DNAH5: variants seen among roughly 807,000 people sequenced by gnomAD.
DNAH5 encodes the protein axonemal beta dynein heavy chain 5.
In DNAH5, 372 loss-of-function variants were observed where a neutral mutation model predicts 518.2. The ratio of observed to expected loss-of-function variants is 0.72; its 90% CI spans 0.66 to 0.78. DNAH5 has a LOEUF of 0.78. Ranked by LOEUF, DNAH5 falls within the 30% of genes least tolerant of loss-of-function variation. The probability of loss-of-function intolerance (pLI) is 0.00; values close to 1 mark genes in which losing one functional copy is unlikely to be tolerated. For synonymous variants in DNAH5, 2,039 were observed against 2,025.9 expected, an observed-to-expected ratio of 1.01 and a Z score of -0.17; for missense variants, 5,523 against 5,687.0, an observed-to-expected ratio of 0.97 and a Z score of 0.93.
At chr5:13,702,974 C>T (rs1742319013) in intron 76 of DNAH5, among the ~76,000 whole-genome samples, 1 of 151,502 alleles carries the variant, frequency 6.6e-6, no homozygotes, top group African/African-American at 2.4e-5. Context: ...GTGCAGCCCC[C>T]AACCTGACGC....
At position 13,810,076 on chromosome 5, in the gene DNAH5, T is replaced by C; in HGVS notation, c.7592A>G (p.Tyr2531Cys). 6.4e-7 allele frequency: 1 copy of C among 1,552,674 alleles called. No individual in the cohort carries two copies. Among genetic ancestry groups the C allele is most frequent in the South Asian group, 1.2e-5 (1 of 84,194 alleles). Residue 2531 changes from tyrosine to cysteine, a missense_variant, in exon 45 of 79, where the codon TAC becomes TGC. Physicochemically the swap from Tyr to Cys is radical, Grantham distance 194 (BLOSUM62 -2). Transcript: ENST00000265104. ...PAGPGDTAFD[Y>C]YVAPDGTWTH... ...GTCCTCACCATCGGGCGCCACATAG[T>C]AGTCGAAGGCGGTGTCCCCGGGCCC...
intron 1 of DNAH5, among the ~76,000 whole-genome samples, chr5:14,010,491 G>C (rs1165250049): frequency 6.6e-6 from 1 of 152,066 alleles, no homozygotes; most frequent in Non-Finnish European, 1.5e-5. Context: ...TTAAGACATA[G>C]AAAAAAGTCA....
intron 53 of DNAH5, 136 bp from the exon 54 acceptor site, chr5:13,777,491 T>A (rs567432028): frequency 3.2e-6 from 2 of 633,512 alleles, no homozygotes; most frequent in East Asian, 2.8e-5. Flanking sequence ...GTATTCTATA[T>A]GAATGTTACT....
chr5:13,807,791 C>G, intron 46 of DNAH5, 66 bp from the exon 47 acceptor site: 1 of 1,391,156 alleles, frequency 7.2e-7, no homozygotes, highest in Non-Finnish European at 1.0e-6. Context: ...GAATTTGTCC[C>G]CCCAAAATTC....
intron 9 of DNAH5, among the ~76,000 whole-genome samples, chr5:13,915,152 G>A (rs1431914247): frequency 6.6e-6 from 1 of 152,084 alleles, no homozygotes; most frequent in African/African-American, 2.4e-5. Context: ...AAAATCCTCA[G>A]AAATGTATTA....
chr5:14,004,380 T>G (rs1784580125), intron 1 of DNAH5, among the ~76,000 whole-genome samples: 1 of 152,154 alleles, frequency 6.6e-6, no homozygotes, highest in South Asian at 2.1e-4. Flanking sequence ...GGAAAGAAGG[T>G]AAAAGGCCTG....
chr5:13,765,296 A>G (rs1403957733), intron 59 of DNAH5, among the ~76,000 whole-genome samples: 2 of 152,222 alleles, frequency 1.3e-5, no homozygotes, highest in Non-Finnish European at 2.9e-5. Context: ...CTGGCAAACT[A>G]TATAACAATG....
intron 32 of DNAH5, among the ~76,000 whole-genome samples, chr5:13,844,293 A>T (rs999535031): frequency 2.0e-5 from 3 of 152,204 alleles, no homozygotes; most frequent in Non-Finnish European, 2.9e-5. Context: ...TAACAAGAAG[A>T]GTCACTTTCC....
intron 75 of DNAH5, among the ~76,000 whole-genome samples, chr5:13,712,326 G>A (rs1369250371): frequency 6.6e-6 from 1 of 152,068 alleles, no homozygotes; most frequent in Non-Finnish European, 1.5e-5. Flanking sequence ...AACTCAAGAT[G>A]GATTAAGGAC....
intron 16 of DNAH5, among the ~76,000 whole-genome samples, chr5:13,891,629 T>C (rs1238109308): frequency 1.3e-5 from 2 of 152,232 alleles, no homozygotes; most frequent in Non-Finnish European, 2.9e-5. Context: ...CTTCCGTCTC[T>C]GCGGATTGTC....
intron 62 of DNAH5, 100 bp from the exon 63 acceptor site, chr5:13,753,649 TA>T: frequency 1.8e-6 from 2 of 1,104,524 alleles, no homozygotes; most frequent in South Asian, 3.1e-5. Flanking sequence ...ATAATTCTTT[TA>T]AACTAAATTC....
In DNAH5 at chr5:13,900,243, T is replaced by C. The variant is rs2151961115; in HGVS notation, c.2222A>G (p.Lys741Arg). The C allele has an allele frequency of 1.2e-6, 2 of 1,614,150 alleles. No individual in the cohort carries two copies. Among genetic ancestry groups the C allele is most frequent in the East Asian group, 4.5e-5 (2 of 44,890 alleles). Residue 741 changes from lysine to arginine, a missense_variant, in exon 15 of 79, where the codon AAA becomes AGA. This residue lies in a region of DNAH5 where 5,121 missense variants were observed against 5,223.3 expected (regional missense o/e 0.98). Transcript: ENST00000265104. ...VSPLATSLFQ[K>R]RDRYKRNFSN... is the part of the protein sequence containing the mutation. Reference sequence around the variant, plus strand: ...GAAGTTCCTTTTGTATCTATCTCGTTTCTGGAAGAGGGAAGTTGCCAGTGG... The same window carrying C: ...GAAGTTCCTTTTGTATCTATCTCGTCTCTGGAAGAGGGAAGTTGCCAGTGG...
chr5:13,906,288 T>C (rs75415132), intron 12 of DNAH5, among the ~76,000 whole-genome samples: 3,168 of 152,142 alleles, frequency 0.021, 114 homozygotes, highest in African/African-American at 0.072. Context: ...TTTAGGCTCA[T>C]CGATTGTAAC....
intron 63 of DNAH5, among the ~76,000 whole-genome samples, chr5:13,752,613 G>A (rs979230860): frequency 5.9e-5 from 9 of 152,212 alleles, no homozygotes; most frequent in Admixed American, 3.3e-4. Flanking sequence ...TTCGTGTTCT[G>A]ACTTGGGTCC....
rs145398015 is a variant in DNAH5, at chr5:13,713,708, G to A, written c.13125+697C>T. 2.7e-4 allele frequency among the ~76,000 whole-genome samples: 41 copies of A among 150,616 alleles called. No homozygotes were observed. The East Asian group carries it at 7.1e-3, about 26-fold the overall frequency. ...TTGGGGGGAAGAGTGTGAGGGGGGC[G>A]AGGAATAAAAGATTACAAATATGGT... On this transcript the variant is annotated intron_variant, in intron 75 of 78. Transcript: ENST00000265104.
In DNAH5 at chr5:13,764,971, CA is replaced by C. The variant is rs780012810; in HGVS notation, c.10101+1004del. 7.2e-4 allele frequency among the ~76,000 whole-genome samples: 109 copies of C among 152,138 alleles called. 1 individual carries two copies. Among genetic ancestry groups the C allele is most frequent in the Non-Finnish European group, 1.9e-4 (13 of 68,022 alleles). The stretch of plus-strand genomic sequence containing the variant: ...GCTTACAATTAAATAAATGATATCT[CA>C]AACAAAGATTATAGTCAAAGCTCAT... On this transcript the variant is annotated intron_variant, in intron 59 of 78. Transcript: ENST00000265104.
intron 22 of DNAH5, among the ~76,000 whole-genome samples, chr5:13,874,535 C>T (rs535149822): frequency 6.2e-4 from 93 of 150,340 alleles, no homozygotes; most frequent in African/African-American, 2.2e-3. Context: ...TTTTTTTTTT[C>T]GAGACAAAGT....
At chr5:13,972,938 A>C (rs1781982086) in intron 1 of DNAH5, among the ~76,000 whole-genome samples, 1 of 152,160 alleles carries the variant, frequency 6.6e-6, no homozygotes, top group Non-Finnish European at 1.5e-5. Flanking sequence ...GCAAGACCCC[A>C]TCTCTAAAAA....
chr5:13,838,183 G>A (rs556713012), intron 35 of DNAH5, among the ~76,000 whole-genome samples: 4 of 152,294 alleles, frequency 2.6e-5, no homozygotes, highest in African/African-American at 9.6e-5. Context: ...ATATTACAAA[G>A]TTCAAATTAG....
Sources: gnomAD v4.1 joint callset for allele counts (sites outside exome capture counted in the v4.1 genomes callset) on GRCh38, gnomAD v4.1.1 for gene constraint, gnomAD v4.1.1 regional missense constraint, MANE v1.5 for transcripts, NCBI Gene and HGNC (gene_info 2026-07-23, HGNC 2026-07-21) for gene names.